The following IL16 variants were observed in gnomAD, a reference collection of about 807,000 sequenced individuals.
IL16 encodes the protein pro-interleukin-16.
A neutral mutation model predicts 110.1 loss-of-function variants in IL16; 67 were observed. The observed-to-expected ratio is 0.61, with a 90% CI of 0.50 to 0.75. The LOEUF is 0.75. Among genes scored for constraint, IL16 ranks in the 30% least tolerant of loss-of-function variants. The pLI, the probability that IL16 is intolerant of heterozygous loss-of-function variation, is 0.00. For missense variants in IL16, 1,545 were observed against 1,655.0 expected (o/e 0.93, Z 1.15); for synonymous variants, 689 against 662.9 (o/e 1.04, Z -0.61).
rs34522610 is a variant in IL16, at chr15:81,303,015, A to ATGTGTGTGTGTGTGTGTGTGTG, written c.3319-526_3319-505dup. Among the ~76,000 whole-genome samples the ATGTGTGTGTGTGTGTGTGTGTG allele has an allele frequency of 4.6e-4, 69 of 150,144 alleles. No individual in the cohort carries two copies. The highest frequency in any genetic ancestry group is 1.6e-3 in the African/African-American group (66 of 40,680). On this transcript the variant is annotated intron_variant, in intron 15 of 18. Coordinates refer to ENST00000683961, the MANE Select transcript of IL16 (RefSeq NM_172217.5). The surrounding 1 kb of genome is among the most constrained non-coding windows in gnomAD (Gnocchi z 4.1). ...GTCTAGGCTAGGAAGTACCGTAGTA[A>ATGTGTGTGTGTGTGTGTGTGTG]TGTGTGTGTGTGTGTGTGTGTGTGT...
chr15:81,269,488 C>T, intron 4 of IL16, 50 bp from the exon 5 acceptor site: 1 of 1,252,658 alleles, frequency 8.0e-7, no homozygotes, highest in Non-Finnish European at 1.2e-6. Context: ...GAGGCATGTG[C>T]TGCTGTCCTA....
intron 1 of IL16, among the ~76,000 whole-genome samples, chr15:81,220,849 A>G (rs988728560): frequency 2.0e-5 from 3 of 151,998 alleles, no homozygotes; most frequent in East Asian, 1.9e-4. Context: ...AGGGAGGGAC[A>G]GACTAACAGA....
At chr15:81,271,892 CTG>C (rs1898658920) in intron 5 of IL16, among the ~76,000 whole-genome samples, 1 of 152,190 alleles carries the variant, frequency 6.6e-6, no homozygotes, top group South Asian at 2.1e-4. Flanking sequence ...CGTGTTGTCT[CTG>C]TGGCACGGGG....
chr15:81,282,786 C>A (rs1279609331), intron 9 of IL16, 30 bp downstream of exon 9: 1 of 1,429,906 alleles, frequency 7.0e-7, no homozygotes, highest in South Asian at 1.1e-5. Context: ...TCTGAATATA[C>A]CCCCGACTTA....
In IL16 at chr15:81,308,889, C is replaced by T; in HGVS notation, c.*91C>T. 2 of 1,188,582 alleles carry T rather than the reference C, an allele frequency of 1.7e-6. No individual in the cohort carries two copies. The highest frequency in any genetic ancestry group is 2.5e-5 in the Admixed American group (1 of 40,526). The allele number at this position is 1,188,582 out of a possible 1,614,324, so 73.6% of individuals were successfully genotyped here. A position where few individuals can be genotyped will look rare whatever the true frequency, so the allele number is the denominator to read the frequency against. ...CTCAGGGTCTCTGCTGCCGCCCCAC[C>T]CAGATGGGGGAAAGCACAGGTGGGC... On this transcript the variant is annotated 3_prime_UTR_variant, in exon 19 of 19. Transcript: ENST00000683961.
chr15:81,183,880 T>G (rs1305262308), intron 1 of IL16, among the ~76,000 whole-genome samples: 1 of 152,114 alleles, frequency 6.6e-6, no homozygotes, highest in Non-Finnish European at 1.5e-5. Flanking sequence ...TCATAAATTC[T>G]TACCTCAGAG....
intron 1 of IL16, among the ~76,000 whole-genome samples, chr15:81,188,184 C>T (rs780255703): frequency 5.9e-5 from 9 of 152,266 alleles, no homozygotes; most frequent in Non-Finnish European, 8.8e-5. Flanking sequence ...ATGTACCTTT[C>T]GCTAGCAAGA....
intron 9 of IL16, among the ~76,000 whole-genome samples, chr15:81,283,730 G>C (rs1899302807): frequency 6.6e-6 from 1 of 152,140 alleles, no homozygotes; most frequent in Admixed American, 6.5e-5. Context: ...AGTAAGTTGG[G>C]CACCATGGTT....
intron 1 of IL16, among the ~76,000 whole-genome samples, chr15:81,218,851 T>C (rs1052481032): frequency 2.6e-5 from 4 of 152,356 alleles, no homozygotes; most frequent in South Asian, 2.1e-4. Flanking sequence ...ATCATACAAA[T>C]GTATCATAAT....
chr15:81,235,053 C>T (rs1897134866), intron 2 of IL16, among the ~76,000 whole-genome samples: 1 of 152,128 alleles, frequency 6.6e-6, no homozygotes, highest in African/African-American at 2.4e-5. Context: ...TGTATGTGAA[C>T]ACCTGTAGTT....
intron 14 of IL16, 106 bp downstream of exon 14, chr15:81,300,581 A>G: frequency 1.4e-6 from 1 of 693,084 alleles, no homozygotes; most frequent in Non-Finnish European, 2.3e-6. Context: ...TCCCAGATAT[A>G]TTGATTAAAG....
At chr15:81,283,418 C>G (rs541478565) in intron 9 of IL16, among the ~76,000 whole-genome samples, 11 of 151,802 alleles carry the variant, frequency 7.2e-5, no homozygotes, top group Non-Finnish European at 1.3e-4. Flanking sequence ...GAGCCGTGTT[C>G]CTCAAAGTGT....
chr15:81,249,504 A>G (rs1402642481), intron 2 of IL16, among the ~76,000 whole-genome samples: 2 of 152,162 alleles, frequency 1.3e-5, no homozygotes, highest in Non-Finnish European at 2.9e-5. Flanking sequence ...CACTGAACTA[A>G]TCATTACACT....
At chr15:81,193,675 G>A (rs745730665), upstream of IL16, among the ~76,000 whole-genome samples, 1 of 152,160 alleles carries the variant, frequency 6.6e-6, no homozygotes, top group Non-Finnish European at 1.5e-5. Context: ...GCCAGGGAAA[G>A]AGGGGAAGAG....
At position 81,300,240 on chromosome 15, in the gene IL16, T is replaced by C. The variant is rs1900209417; in HGVS notation, c.2914T>C (p.Ser972Pro). The C allele has an allele frequency of 6.2e-7, 1 of 1,614,170 alleles. No individual in the cohort carries two copies. The highest frequency in any genetic ancestry group is 8.5e-7 in the Non-Finnish European group (1 of 1,180,036). The part of the protein sequence containing the change: ...QRARSFPLTR[S>P]QSCETKLLDE... ...AGCACGGAGCTTCCCCCTGACCAGG[T>C]CCCAGTCCTGTGAGACGAAGCTACT... Residue 972 changes from serine to proline, a missense_variant, in exon 14 of 19, where the codon TCC (serine) becomes CCC (proline). Physicochemically the swap from Ser to Pro is moderately conservative, Grantham distance 74 (BLOSUM62 -1). This residue lies in a region of IL16 where 1,185 missense variants were observed against 1,238.8 expected (regional missense o/e 0.96). Coordinates refer to ENST00000683961, the MANE Select transcript of IL16 (RefSeq NM_172217.5).
At position 81,277,949 on chromosome 15, in the gene IL16, G is replaced by T. The variant is rs576506006; in HGVS notation, c.791-868G>T. ...AGTGGTTTTCTGTTCACATAGAAAT[G>T]GATTTTTGGTTACAGGAAGAATGAT... On this transcript the variant is annotated intron_variant, in intron 6 of 18. Coordinates refer to ENST00000683961, the MANE Select transcript of IL16 (RefSeq NM_172217.5). Among the ~76,000 whole-genome samples the T allele has an allele frequency of 1.2e-3, 178 of 152,202 alleles. No homozygotes were observed. In the Middle Eastern group the frequency reaches 0.014, roughly 12 times the overall value.
intron 12 of IL16, among the ~76,000 whole-genome samples, chr15:81,294,036 G>A (rs1033199570): frequency 6.6e-6 from 1 of 152,204 alleles, no homozygotes; most frequent in Non-Finnish European, 1.5e-5. Flanking sequence ...CCCTGCAGGG[G>A]CCCTGGCCCT....
chr15:81,279,920 A>G, intron 8 of IL16, 146 bp downstream of exon 8: 1 of 683,870 alleles, frequency 1.5e-6, no homozygotes, highest in Non-Finnish European at 2.5e-6. Flanking sequence ...AGCCAGGTCG[A>G]GTCTTCTGTT....
rs180954053 is a variant in IL16 at position 81,285,960 on chromosome 15, A to T, written c.1332+130A>T. The T allele has an allele frequency of 2.8e-3, 2,639 of 945,064 alleles. 6 individuals are homozygous for T. The highest frequency in any genetic ancestry group is 3.9e-3 in the Non-Finnish European group (2,385 of 615,258). 58.5% of individuals were successfully genotyped at this position (945,064 alleles called of 1,614,324 possible). A position where few individuals can be genotyped will look rare whatever the true frequency, so the allele number is the denominator to read the frequency against. ...CCTGAATTCCCAAGAATCCCTTCCA[A>T]GTTTCTGTAGTAAGAATTGTCTGCA... On this transcript the variant is annotated intron_variant, in intron 10 of 18. Coordinates refer to ENST00000683961, the MANE Select transcript of IL16 (RefSeq NM_172217.5).
Sources: allele counts gnomAD v4.1 joint callset (sites outside exome capture counted in the v4.1 genomes callset), GRCh38; gene constraint gnomAD v4.1.1; regional missense constraint gnomAD v4.1.1; non-coding constraint Gnocchi (gnomAD v3.1); transcripts MANE v1.5; gene names NCBI Gene and HGNC (gene_info 2026-07-23, HGNC 2026-07-21).